The following ABTB3 variants were observed in gnomAD, a reference collection of about 807,000 sequenced individuals.
ABTB3 encodes ankyrin repeat and BTB domain containing 3.
chr12:107,602,076 C>T, the ABTB3 span, among the ~76,000 whole-genome samples: 2 of 152,138 alleles, frequency 1.3e-5, no homozygotes, highest in Non-Finnish European at 2.9e-5. Context: ...ACAGTGAGGT[C>T]AGGATTGGTC....
At chr12:107,478,516 A>G in the ABTB3 span, among the ~76,000 whole-genome samples, 1 of 152,232 alleles carries the variant, frequency 6.6e-6, no homozygotes, top group African/African-American at 2.4e-5. Context: ...ACAAATTAAT[A>G]ACTAATTAAA....
At chr12:107,519,649 G>A in the ABTB3 span, among the ~76,000 whole-genome samples, 4 of 152,272 alleles carry the variant, frequency 2.6e-5, no homozygotes, top group African/African-American at 9.6e-5. Flanking sequence ...CCAAGGCAGA[G>A]GCGCAAGAGA....
At chr12:107,328,589 C>T in the ABTB3 span, among the ~76,000 whole-genome samples, 1 of 152,162 alleles carries the variant, frequency 6.6e-6, no homozygotes, top group Admixed American at 6.5e-5. Context: ...AGGGACTATT[C>T]CAGGATTTCC....
chr12:107,380,930 T>C, the ABTB3 span, among the ~76,000 whole-genome samples: 1 of 152,228 alleles, frequency 6.6e-6, no homozygotes, highest in South Asian at 2.1e-4. Context: ...TATTATACTA[T>C]ATATTCAGTT....
chr12:107,421,525 G>A, the ABTB3 span, among the ~76,000 whole-genome samples: 1 of 152,200 alleles, frequency 6.6e-6, no homozygotes, highest in Non-Finnish European at 1.5e-5. Flanking sequence ...AAGCTCTTCT[G>A]CTAAGAGAAA....
chr12:107,479,895 A>G, the ABTB3 span, among the ~76,000 whole-genome samples: 452 of 152,290 alleles, frequency 3.0e-3, 3 homozygotes, highest in African/African-American at 0.01. Flanking sequence ...CTTAGGGAGG[A>G]ACTGAGAAAG....
At chr12:107,330,000 C>G in the ABTB3 span, among the ~76,000 whole-genome samples, 37 of 152,256 alleles carry the variant, frequency 2.4e-4, no homozygotes, top group African/African-American at 8.9e-4. Flanking sequence ...TAAGGCTTCA[C>G]TAAGGAAATG....
the ABTB3 span, among the ~76,000 whole-genome samples, chr12:107,449,180 T>C: frequency 6.6e-6 from 1 of 152,162 alleles, no homozygotes; most frequent in Non-Finnish European, 1.5e-5. Flanking sequence ...GCAGAGCCTA[T>C]AGCCAGCTGG....
chr12:107,469,964 CTTTCTT>C, the ABTB3 span, among the ~76,000 whole-genome samples: 4 of 71,452 alleles, frequency 5.6e-5, no homozygotes, highest in African/African-American at 3.6e-4. Context: ...TTCTTTCTTT[CTTTCTT>C]TCTTTCTTTC....
chr12:107,618,016 G>A, the ABTB3 span: 3 of 710,884 alleles, frequency 4.2e-6, no homozygotes, highest in Non-Finnish European at 6.9e-6. Flanking sequence ...CCACTGTTAG[G>A]CCTCTGAAAG....
At chr12:107,617,602 C>T in the ABTB3 span, 1 of 782,032 alleles carries the variant, frequency 1.3e-6, no homozygotes, top group Non-Finnish European at 2.0e-6. Flanking sequence ...TGCCAGCTGA[C>T]AGCCAACTCC....
the ABTB3 span, among the ~76,000 whole-genome samples, chr12:107,446,147 G>A: frequency 6.6e-6 from 1 of 152,046 alleles, no homozygotes; most frequent in South Asian, 2.1e-4. Context: ...CACTGAGGCA[G>A]GGGAAACTGC....
the ABTB3 span, chr12:107,617,352 T>A: frequency 6.2e-7 from 1 of 1,614,116 alleles, no homozygotes; most frequent in Non-Finnish European, 8.5e-7. Flanking sequence ...GATCCCCTGA[T>A]AGGAACCATG....
At chr12:107,397,930 G>A in the ABTB3 span, among the ~76,000 whole-genome samples, 1 of 152,134 alleles carries the variant, frequency 6.6e-6, no homozygotes, top group Non-Finnish European at 1.5e-5. Flanking sequence ...GTATTTATGT[G>A]GGTCTTTTCC....
At chr12:107,370,601 C>T in the ABTB3 span, among the ~76,000 whole-genome samples, 5 of 152,194 alleles carry the variant, frequency 3.3e-5, 1 homozygote, top group African/African-American at 9.6e-5. Context: ...CTCTGGGTCA[C>T]AGGCTTGAGG....
At chr12:107,377,412 A>AGTGT in the ABTB3 span, among the ~76,000 whole-genome samples, 1 of 71,300 alleles carries the variant, frequency 1.4e-5, no homozygotes, top group East Asian at 4.4e-4. Context: ...AGAGAGAGCA[A>AGTGT]GAGTGTGTGT....
chr12:107,345,136 C>T, the ABTB3 span, among the ~76,000 whole-genome samples: 1 of 152,120 alleles, frequency 6.6e-6, no homozygotes, highest in Non-Finnish European at 1.5e-5. Flanking sequence ...TTTTCACCCA[C>T]CTGAAAGTGT....
the ABTB3 span, among the ~76,000 whole-genome samples, chr12:107,641,441 GT>G: frequency 1.2e-4 from 19 of 152,042 alleles, no homozygotes; most frequent in Non-Finnish European, 1.5e-5. Context: ...CAAAAAATAA[GT>G]TTAAAAAAAC....
the ABTB3 span, among the ~76,000 whole-genome samples, chr12:107,647,159 G>A: frequency 4.6e-5 from 7 of 152,020 alleles, no homozygotes; most frequent in South Asian, 2.1e-4. Context: ...GCGAAATCCC[G>A]TCTCTACAAA....
Sources: gnomAD v4.1 joint callset for allele counts (sites outside exome capture counted in the v4.1 genomes callset) on GRCh38, gnomAD v4.1.1 for gene constraint, MANE v1.5 for transcripts, NCBI Gene and HGNC (gene_info 2026-07-23, HGNC 2026-07-21) for gene names.